The following CYRIB variants were observed in gnomAD, a reference collection of about 807,000 sequenced individuals.
The protein encoded by CYRIB is CYFIP related Rac1 interactor B.
Under a neutral mutation model 44.2 loss-of-function variants are expected in CYRIB, and 8 were observed. That is an observed-to-expected ratio of 0.18 (90% CI 0.11 to 0.33). The LOEUF (loss-of-function observed/expected upper bound fraction) is 0.33, where lower values mean the gene tolerates loss of function less well. Among genes scored for constraint, CYRIB ranks in the 10% least tolerant of loss-of-function variants. The probability of loss-of-function intolerance (pLI) is 1.00; values close to 1 mark genes in which losing one functional copy is unlikely to be tolerated. For missense variants in CYRIB, 185 were observed against 382.8 expected (o/e 0.48, Z 4.31); for synonymous variants, 131 against 127.2 (o/e 1.03, Z -0.20).
rs1235935230 is a variant in CYRIB, at chr8:130,006,662, GTATATATATA to G, written c.-296+9698_-296+9707del. Among the ~76,000 whole-genome samples, 4 of 109,546 alleles carry G rather than the reference GTATATATATA, an allele frequency of 3.7e-5. 1 individual carries two copies. The highest frequency in any genetic ancestry group is 3.0e-4 in the Admixed American group (3 of 10,124). The allele number at this position is 109,546 out of a possible 152,430, so 71.9% of individuals were successfully genotyped here. A position where few individuals can be genotyped will look rare whatever the true frequency, so the allele number is the denominator to read the frequency against. On this transcript the variant is annotated intron_variant, in intron 1 of 14. Coordinates refer to the CYRIB transcript ENST00000401979. ...TGTGTATATATATACATATATATAT[GTATATATATA>G]TGTATATATATACACACATATATCT...
intron 1 of CYRIB, among the ~76,000 whole-genome samples, chr8:129,937,903 CTCA>C (rs2093093616): frequency 6.6e-6 from 1 of 151,860 alleles, no homozygotes. Context: ...CTCTCTCTCT[CTCA>C]TGAGTTAGGA....
At chr8:129,860,421 T>C (rs1463413685) in intron 5 of CYRIB, among the ~76,000 whole-genome samples, 2 of 152,194 alleles carry the variant, frequency 1.3e-5, no homozygotes, top group African/African-American at 2.4e-5. Flanking sequence ...GATTGGGTTA[T>C]AAAGTGCAAA....
chr8:129,936,193 A>G (rs1453472805), intron 1 of CYRIB, among the ~76,000 whole-genome samples: 1 of 152,246 alleles, frequency 6.6e-6, no homozygotes, highest in Middle Eastern at 3.2e-3. Context: ...AATAGAATTT[A>G]AGTAAACGTG....
Position 129,955,279 on chromosome 8 carries a change from G to C in CYRIB, c.-243+15664C>G, listed in dbSNP as rs548083696. 5.3e-5 allele frequency among the ~76,000 whole-genome samples: 8 copies of C among 150,182 alleles called. No homozygotes were observed. In the East Asian group the frequency reaches 1.6e-3, roughly 29 times the overall value. ...AAAAAAAAAAAAAAAAAAAGTATGT[G>C]CTGCATGATGAAGAAATAAGTGGAA... On this transcript the variant is annotated intron_variant, in intron 2 of 14. Coordinates refer to the CYRIB transcript ENST00000401979.
chr8:129,970,286 C>G (rs541616439), intron 2 of CYRIB, among the ~76,000 whole-genome samples: 1 of 152,016 alleles, frequency 6.6e-6, no homozygotes, highest in Admixed American at 6.5e-5. Context: ...TCTAGGAAAC[C>G]GGGGGAAAAA....
intron 2 of CYRIB, among the ~76,000 whole-genome samples, chr8:129,952,527 TAAC>T (rs1323304307): frequency 6.6e-6 from 1 of 152,152 alleles, no homozygotes; most frequent in Non-Finnish European, 1.5e-5. Context: ...AACTCAATGA[TAAC>T]AAGATGAATG....
At chr8:129,864,690 G>T in intron 4 of CYRIB, 1 of 278,726 alleles carries the variant, frequency 3.6e-6, no homozygotes, top group Admixed American at 4.6e-5. Context: ...GTTCCTAAGG[G>T]TGCAATGTAT....
chr8:129,878,603 A>G (rs2133846046), intron 3 of CYRIB, among the ~76,000 whole-genome samples: 1 of 152,308 alleles, frequency 6.6e-6, no homozygotes, highest in African/African-American at 2.4e-5. Context: ...CATTCACACT[A>G]AAACACCAAT....
rs1181036631 is a variant in CYRIB at position 129,951,493 on chromosome 8, T to TA, written c.-243+19449_-243+19450insT. On this transcript the variant is annotated intron_variant, in intron 2 of 14. Transcript: ENST00000401979. The stretch of plus-strand genomic sequence containing the variant: ...AGGCCGAGGCGGGCAGATCATGAGG[T>TA]CAGGAGTTCGAGACCAGCCTGGACA... 1.1e-4 allele frequency among the ~76,000 whole-genome samples: 17 copies of TA among 151,854 alleles called. 1 individual carries two copies. Among genetic ancestry groups the TA allele is most frequent in the Non-Finnish European group, 2.9e-5 (2 of 67,976 alleles).
At chr8:129,926,038 C>T (rs908440633) in intron 1 of CYRIB, among the ~76,000 whole-genome samples, 1 of 152,218 alleles carries the variant, frequency 6.6e-6, no homozygotes, top group African/African-American at 2.4e-5. Context: ...CATTTTCTGG[C>T]TCTCTTTTGA....
intron 1 of CYRIB, among the ~76,000 whole-genome samples, chr8:129,907,148 C>A (rs568765173): frequency 6.6e-6 from 1 of 152,324 alleles, no homozygotes; most frequent in South Asian, 2.1e-4. Context: ...GACACATGCA[C>A]ACGTATGTTT....
intron 1 of CYRIB, among the ~76,000 whole-genome samples, chr8:129,916,644 C>G (rs1319662034): frequency 6.6e-6 from 1 of 152,202 alleles, no homozygotes; most frequent in Non-Finnish European, 1.5e-5. Flanking sequence ...CAATTTAAAG[C>G]TATTCCTGCT....
intron 1 of CYRIB, among the ~76,000 whole-genome samples, chr8:130,002,708 C>T (rs910155890): frequency 1.3e-5 from 2 of 152,188 alleles, no homozygotes; most frequent in Non-Finnish European, 1.5e-5. Flanking sequence ...TTTGAGGGGC[C>T]GTGTAATATT....
At chr8:129,852,361 C>A (rs913413171) in intron 7 of CYRIB, 83 bp from the exon 10 acceptor site, 1 of 741,856 alleles carries the variant, frequency 1.3e-6, no homozygotes, top group Admixed American at 3.1e-5. Context: ...AGGCAGGGTG[C>A]CTGCCTCAAT....
chr8:129,858,541 A>G (rs1320426872), intron 5 of CYRIB, among the ~76,000 whole-genome samples: 1 of 152,204 alleles, frequency 6.6e-6, no homozygotes, highest in Non-Finnish European at 1.5e-5. Context: ...ACAGTCGTTT[A>G]TTCTCATCAA....
At position 129,930,166 on chromosome 8, in the gene CYRIB, G is replaced by A. The variant is rs190940806; in HGVS notation, c.-50+9442C>T. On this transcript the variant is annotated intron_variant, in intron 1 of 11. Coordinates refer to ENST00000519824, the Ensembl canonical transcript of CYRIB. Reference sequence around the variant, plus strand: ...GCGGAGCTTGCAGTGAGCCGAGATCGCACCACTGCACTCCAGCCTGAGTGA... The same window carrying A: ...GCGGAGCTTGCAGTGAGCCGAGATCACACCACTGCACTCCAGCCTGAGTGA... Among the ~76,000 whole-genome samples, 609 of 151,084 alleles carry A rather than the reference G, an allele frequency of 4.0e-3. 4 individuals are homozygous for A. Among genetic ancestry groups the A allele is most frequent in the African/African-American group, 0.014 (586 of 41,214 alleles).
intron 1 of CYRIB, among the ~76,000 whole-genome samples, chr8:129,997,312 C>G (rs891613539): frequency 6.6e-6 from 1 of 152,266 alleles, no homozygotes; most frequent in African/African-American, 2.4e-5. Context: ...TTTCAATATC[C>G]ACAGTAGAAG....
rs553675359 is a variant in CYRIB at position 129,865,287 on chromosome 8, T to G, written c.196-2953A>C. ...GTGCAGGAGGTTTAAAATAAATTCT[T>G]TAACTAGCTCTGCAGATTTGTCTGG... is the stretch of plus-strand genomic sequence containing the variant. On this transcript the variant is annotated intron_variant, in intron 4 of 11. Transcript: ENST00000519824. Among the ~76,000 whole-genome samples, 5 of 152,340 alleles carry G rather than the reference T, an allele frequency of 3.3e-5. No individual in the cohort carries two copies. In the South Asian group the frequency reaches 1.0e-3, roughly 32 times the overall value.
At chr8:129,883,280 T>G (rs950036954) in intron 2 of CYRIB, among the ~76,000 whole-genome samples, 1 of 151,970 alleles carries the variant, frequency 6.6e-6, no homozygotes, top group Admixed American at 6.6e-5. Context: ...ATCCACTAGA[T>G]ACTAGCAGCT....
Sources: allele counts gnomAD v4.1 joint callset (sites outside exome capture counted in the v4.1 genomes callset), GRCh38; gene constraint gnomAD v4.1.1; transcripts MANE v1.5; gene names NCBI Gene and HGNC (gene_info 2026-07-23, HGNC 2026-07-21).